USP3: variants seen among roughly 807,000 people sequenced by gnomAD.
The protein encoded by USP3 is ubiquitin carboxyl-terminal hydrolase 3.
A neutral mutation model predicts 72.3 loss-of-function variants in USP3; 20 were observed. The observed-to-expected ratio is 0.28, with a 90% CI of 0.19 to 0.40. The LOEUF (loss-of-function observed/expected upper bound fraction) is 0.40, where lower values mean the gene tolerates loss of function less well. Among genes scored for constraint, USP3 ranks in the 10% least tolerant of loss-of-function variants. The pLI, the probability that USP3 is intolerant of heterozygous loss-of-function variation, is 1.00. For synonymous variants in USP3, 222 were observed against 225.3 expected, an observed-to-expected ratio of 0.99 and a Z score of 0.13; for missense variants, 479 against 633.9, an observed-to-expected ratio of 0.76 and a Z score of 2.62.
intron 1 of USP3, chr15:63,532,386 T>C: frequency 1.8e-6 from 1 of 541,924 alleles, no homozygotes. Flanking sequence ...AGGAGACAAG[T>C]GTATATGTGT....
intron 7 of USP3, among the ~76,000 whole-genome samples, chr15:63,561,131 A>G (rs1401453496): frequency 6.6e-6 from 1 of 152,174 alleles, no homozygotes; most frequent in African/African-American, 2.4e-5. Flanking sequence ...AGCAGCATCT[A>G]GGATGAGTTG....
Position 63,553,851 on chromosome 15 carries a change from CTT to C in USP3, c.368+56_368+57del, listed in dbSNP as rs2066469089. ...GGGCCTAAGAATGGGGTTGAGGAGT[CTT>C]TTAGAATTTTTGAGTGGGGTTTTTG... On this transcript the variant is annotated intron_variant, in intron 4 of 14. Coordinates refer to ENST00000380324, the MANE Select transcript of USP3 (RefSeq NM_006537.4). This position sits in a 1 kb window ranked among gnomAD's most constrained non-coding sequence, Gnocchi z 4.2. 6.9e-7 allele frequency: 1 copy of C among 1,456,586 alleles called. No homozygotes were observed. Among genetic ancestry groups the C allele is most frequent in the Non-Finnish European group, 9.3e-7 (1 of 1,072,546 alleles). The allele number at this position is 1,456,586 out of a possible 1,614,324, so 90.2% of individuals were successfully genotyped here.
rs2067129245 is a variant in USP3, at chr15:63,588,928, C to T, written c.1330-16C>T. 6.2e-7 allele frequency: 1 copy of T among 1,614,048 alleles called. No individual in the cohort carries two copies. Among genetic ancestry groups the T allele is most frequent in the African/African-American group, 1.3e-5 (1 of 74,924 alleles). ...CTGATGTCATTGACCACTGCTCCTT[C>T]TTCCTTGTTCTGTAGCCTGAGAACA... On this transcript the variant is annotated splice_polypyrimidine_tract_variant and intron_variant, in intron 13 of 14. Coordinates refer to ENST00000380324, the MANE Select transcript of USP3 (RefSeq NM_006537.4). The surrounding 1 kb of genome is among the most constrained non-coding windows in gnomAD (Gnocchi z 4.6).
intron 1 of USP3, among the ~76,000 whole-genome samples, chr15:63,506,861 C>T (rs1231882019): frequency 1.3e-5 from 2 of 152,174 alleles, no homozygotes; most frequent in African/African-American, 2.4e-5. Context: ...AAGCGAGTTT[C>T]GCAACTTTGT....
intron 2 of USP3, among the ~76,000 whole-genome samples, chr15:63,532,918 T>C (rs374433685): frequency 4.3e-4 from 66 of 152,316 alleles, no homozygotes; most frequent in African/African-American, 1.5e-3. Flanking sequence ...GTATTGATAC[T>C]CAGAAGAATT....
At chr15:63,558,361 T>G (rs918157746) in intron 6 of USP3, among the ~76,000 whole-genome samples, 173 bp downstream of exon 6, 1 of 152,104 alleles carries the variant, frequency 6.6e-6, no homozygotes, top group Non-Finnish European at 1.5e-5. Flanking sequence ...TCCTACCTCA[T>G]GGGGTAGTTG....
intron 14 of USP3, among the ~76,000 whole-genome samples, chr15:63,590,162 G>C (rs2067163814): frequency 1.3e-5 from 2 of 152,102 alleles, no homozygotes; most frequent in African/African-American, 4.8e-5. Flanking sequence ...TGATGAGATG[G>C]ATCTTTATTA....
chr15:63,576,498 A>G (rs936016826), intron 11 of USP3, among the ~76,000 whole-genome samples: 2 of 152,202 alleles, frequency 1.3e-5, no homozygotes, highest in African/African-American at 4.8e-5. Context: ...TTTAATATCA[A>G]GCAGAGTCTC....
intron 11 of USP3, among the ~76,000 whole-genome samples, chr15:63,577,003 T>C (rs536412745): frequency 6.6e-6 from 1 of 152,340 alleles, no homozygotes; most frequent in South Asian, 2.1e-4. Flanking sequence ...TTGTGTACTT[T>C]TTGGATTTGT....
chr15:63,510,512 T>C (rs566125422), intron 1 of USP3, among the ~76,000 whole-genome samples: 2 of 152,326 alleles, frequency 1.3e-5, no homozygotes, highest in South Asian at 2.1e-4. Context: ...TAGATTATCA[T>C]TGTTTGAAGT....
chr15:63,542,368 T>G (rs2066257288), intron 3 of USP3, among the ~76,000 whole-genome samples: 1 of 152,032 alleles, frequency 6.6e-6, no homozygotes, highest in African/African-American at 2.4e-5. Flanking sequence ...CTATTAAAAT[T>G]TAACATTAAG....
At chr15:63,580,175 T>A (rs1595769449) in intron 11 of USP3, among the ~76,000 whole-genome samples, 1 of 152,144 alleles carries the variant, frequency 6.6e-6, no homozygotes, top group Non-Finnish European at 1.5e-5. Flanking sequence ...CATAGAAACA[T>A]AGCTACAAAA....
chr15:63,574,340 C>T lies in USP3; in HGVS notation c.1033C>T (p.Pro345Ser). The T allele has an allele frequency of 6.2e-7, 1 of 1,601,864 alleles. No individual in the cohort carries two copies. Residue 345 changes from proline to serine, a missense_variant, in exon 11 of 15, where the codon CCA becomes TCA. Physicochemically the swap from Pro to Ser is moderately conservative, Grantham distance 74. Transcript: ENST00000380324. This position sits in a 1 kb window ranked among gnomAD's most constrained non-coding sequence, Gnocchi z 4.6. ...CTTTTAAGACCTTTCATTAGATATTCCAAGTCAGTTCAGAAGTAAGCGCTC... is the reference window on the plus strand; with the variant it reads ...CTTTTAAGACCTTTCATTAGATATTTCAAGTCAGTTCAGAAGTAAGCGCTC... The part of the protein sequence containing the change: ...DPFLDLSLDI[P>S]SQFRSKRSKN...
In USP3 at chr15:63,574,652, T is replaced by A. The variant is rs1013375384; in HGVS notation, c.1096+249T>A. Among the ~76,000 whole-genome samples, 5 of 152,200 alleles carry A rather than the reference T, an allele frequency of 3.3e-5. No individual in the cohort carries two copies. The highest frequency in any genetic ancestry group is 7.4e-5 in the Non-Finnish European group (5 of 68,010). On this transcript the variant is annotated intron_variant, in intron 11 of 14. Transcript: ENST00000380324. The surrounding 1 kb of genome is among the most constrained non-coding windows in gnomAD (Gnocchi z 4.6). ...CTTCTTTGAAATACTGACTTTAAAA[T>A]AGAAGGTCTGTAGCAAAAGTTTTTC... is the stretch of plus-strand genomic sequence containing the variant.
At chr15:63,532,795 T>A in intron 2 of USP3, 88 bp downstream of exon 2, 1 of 1,383,602 alleles carries the variant, frequency 7.2e-7, no homozygotes, top group Non-Finnish European at 1.0e-6. Context: ...TGATTTGGAT[T>A]TAGTACCATT....
At position 63,558,003 on chromosome 15, in the gene USP3, T is replaced by C. The variant is rs1261701461; in HGVS notation, c.451-103T>C. ...TGGACAGAAAAGGACCAATTCCAAA[T>C]TGGCTTGGTGCTAGATTTCAGAGGC... On this transcript the variant is annotated intron_variant, in intron 5 of 14. Coordinates refer to ENST00000380324, the MANE Select transcript of USP3 (RefSeq NM_006537.4). 7.1e-6 allele frequency: 8 copies of C among 1,121,170 alleles called. No individual in the cohort carries two copies. In the East Asian group the frequency reaches 1.9e-4, roughly 27 times the overall value. 69.5% of individuals were successfully genotyped at this position (1,121,170 alleles called of 1,614,324 possible).
chr15:63,588,268 C>T lies in USP3; in HGVS notation c.1097-37C>T. The T allele has an allele frequency of 6.7e-7, 1 of 1,487,220 alleles. No homozygotes were observed. The highest frequency in any genetic ancestry group is 9.2e-7 in the Non-Finnish European group (1 of 1,091,732). The allele number at this position is 1,487,220 out of a possible 1,614,324, so 92.1% of individuals were successfully genotyped here. Reference sequence around the variant, plus strand: ...TACAGTACATTGCCTCTACAAAAGGCATCTTGTTTTAATGCTGCCAAAATC... The same window carrying T: ...TACAGTACATTGCCTCTACAAAAGGTATCTTGTTTTAATGCTGCCAAAATC... On this transcript the variant is annotated intron_variant, in intron 11 of 14. Transcript: ENST00000380324. This position sits in a 1 kb window ranked among gnomAD's most constrained non-coding sequence, Gnocchi z 4.6.
intron 1 of USP3, among the ~76,000 whole-genome samples, chr15:63,530,266 C>T (rs1338194027): frequency 1.3e-5 from 1 of 78,546 alleles, no homozygotes; most frequent in East Asian, 2.0e-4. Context: ...TCCCTCCCTC[C>T]CTGCCTCCCT....
chr15:63,504,828 G>A lies in USP3; in HGVS notation c.89G>A (p.Ser30Asn). 1 of 1,605,182 alleles carries A rather than the reference G, an allele frequency of 6.2e-7. No individual in the cohort carries two copies. The highest frequency in any genetic ancestry group is 8.5e-7 in the Non-Finnish European group (1 of 1,176,902). Residue 30 changes from serine to asparagine, a missense_variant and splice_region_variant, in exon 1 of 15, where the codon AGC becomes AAC. Transcript: ENST00000380324. Reference sequence around the variant, plus strand: ...GGCTCCCCGTCGTCCTGGTGCTGCAGCGGTGAGTGCGGCCACGGGCCGGCC... The same window carrying A: ...GGCTCCCCGTCGTCCTGGTGCTGCAACGGTGAGTGCGGCCACGGGCCGGCC... ...PNGSPSSWCC[S>N]VCRSNKSPWV...
Sources: allele counts gnomAD v4.1 joint callset (sites outside exome capture counted in the v4.1 genomes callset), GRCh38; gene constraint gnomAD v4.1.1; non-coding constraint Gnocchi (gnomAD v3.1); transcripts MANE v1.5; gene names NCBI Gene and HGNC (gene_info 2026-07-23, HGNC 2026-07-21).